The following ODR4 variants were observed in gnomAD, a reference collection of about 807,000 sequenced individuals.
The protein encoded by ODR4 is odr-4 GPCR localization factor homolog.
ODR4 carries 47 observed loss-of-function variants against 60.2 expected under a neutral mutation model. That is an observed-to-expected ratio of 0.78 (90% confidence interval 0.62 to 1.00). The LOEUF (loss-of-function observed/expected upper bound fraction) is 1.00. Among genes scored for constraint, ODR4 ranks in the 50% least tolerant of loss-of-function variants. ODR4 has a pLI of 0.00. For synonymous variants in ODR4, 178 were observed against 175.5 expected (o/e 1.01, Z -0.11); for missense variants, 488 against 530.8 (o/e 0.92, Z 0.79).
chr1:186,412,118 A>T (rs1427849221), intron 12 of ODR4, among the ~76,000 whole-genome samples: 1 of 152,160 alleles, frequency 6.6e-6, no homozygotes, highest in East Asian at 1.9e-4. Flanking sequence ...TCTACAGATA[A>T]AATATGTAGT....
chr1:186,428,112 C>T, the ODR4 span, among the ~76,000 whole-genome samples: 1 of 152,122 alleles, frequency 6.6e-6, no homozygotes, highest in Non-Finnish European at 1.5e-5. Context: ...AACAAGAGTC[C>T]GTCTGTCCTT....
intron 3 of ODR4, among the ~76,000 whole-genome samples, chr1:186,384,633 T>G (rs759280935): frequency 1.3e-4 from 19 of 151,476 alleles, no homozygotes; most frequent in Non-Finnish European, 2.5e-4. Flanking sequence ...TATAGTAAAT[T>G]AGCTTAACCT....
intron 1 of ODR4, among the ~76,000 whole-genome samples, chr1:186,378,918 T>C (rs1298501354): frequency 1.3e-5 from 2 of 152,350 alleles, no homozygotes; most frequent in African/African-American, 4.8e-5. Context: ...CTGTAGTATG[T>C]ATTGCTCAAG....
At chr1:186,417,366 TA>T in intron 12 of ODR4, 177 bp from the exon 13 acceptor site, 1 of 563,242 alleles carries the variant, frequency 1.8e-6, no homozygotes, top group Non-Finnish European at 3.1e-6. Flanking sequence ...ATTTGACGTA[TA>T]TTCTATTAAA....
the ODR4 span, among the ~76,000 whole-genome samples, chr1:186,431,212 A>G: frequency 1.3e-5 from 2 of 152,154 alleles, no homozygotes; most frequent in Admixed American, 1.3e-4. Context: ...TCAGATTTCT[A>G]TAAAATTGTC....
At chr1:186,418,100 C>T (rs1661640985) in intron 13 of ODR4, among the ~76,000 whole-genome samples, 1 of 152,120 alleles carries the variant, frequency 6.6e-6, no homozygotes, top group Non-Finnish European at 1.5e-5. Context: ...GAACAAGGAA[C>T]ATGCAGACTA....
At chr1:186,426,376 A>G (rs1258193321), downstream of ODR4, among the ~76,000 whole-genome samples, 2 of 152,206 alleles carry the variant, frequency 1.3e-5, no homozygotes, top group Non-Finnish European at 2.9e-5. Flanking sequence ...GGGGTATTCA[A>G]TTATCTAAAG....
chr1:186,402,224 T>TTCTTTCTTTCTTTC (rs1337769035), intron 11 of ODR4, among the ~76,000 whole-genome samples: 1 of 150,194 alleles, frequency 6.7e-6, no homozygotes, highest in South Asian at 2.1e-4. Flanking sequence ...CTTTCTTTCT[T>TTCTTTCTTTCTTTC]TCTTTCTTTC....
At chr1:186,385,060 A>G (rs1350623595) in intron 3 of ODR4, among the ~76,000 whole-genome samples, 2 of 152,112 alleles carry the variant, frequency 1.3e-5, no homozygotes, top group African/African-American at 2.4e-5. Flanking sequence ...GTATGTATCA[A>G]AAACCTTAAA....
intron 8 of ODR4, among the ~76,000 whole-genome samples, chr1:186,393,210 C>T (rs1197424334): frequency 6.6e-6 from 1 of 151,866 alleles, no homozygotes; most frequent in Non-Finnish European, 1.5e-5. Flanking sequence ...TGAAATAATC[C>T]GTATATCAAA....
chr1:186,399,605 T>C (rs1371108058), intron 11 of ODR4, among the ~76,000 whole-genome samples: 1 of 152,200 alleles, frequency 6.6e-6, no homozygotes, highest in African/African-American at 2.4e-5. Context: ...CCAAGTGAAC[T>C]TCTCCTGCCA....
At chr1:186,383,503 T>C (rs1660120233) in intron 3 of ODR4, among the ~76,000 whole-genome samples, 1 of 152,040 alleles carries the variant, frequency 6.6e-6, no homozygotes, top group African/African-American at 2.4e-5. Context: ...GGTCAATAGG[T>C]GCAGCAAGCC....
chr1:186,408,792 A>G (rs1167036658), intron 12 of ODR4, among the ~76,000 whole-genome samples: 2 of 151,806 alleles, frequency 1.3e-5, no homozygotes, highest in Admixed American at 1.3e-4. Context: ...GTAGCACTGT[A>G]TGCAAAACTT....
chr1:186,385,561 A>G (rs1660222637), intron 3 of ODR4, among the ~76,000 whole-genome samples: 1 of 151,932 alleles, frequency 6.6e-6, no homozygotes, highest in African/African-American at 2.4e-5. Context: ...GGCCTAGGGA[A>G]CACCCTGAGT....
rs752239468 is a variant in ODR4 at position 186,381,332 on chromosome 1, C to CT, written c.99+1462dup. Reference sequence around the variant, plus strand: ...TGTCTCATAATTTAAGGCCTTCCTTCTTTTTTTTTTTTTTGAGACGGAGTC... The same window carrying CT: ...TGTCTCATAATTTAAGGCCTTCCTTCTTTTTTTTTTTTTTTGAGACGGAGTC... On this transcript the variant is annotated intron_variant, in intron 2 of 13. Coordinates refer to ENST00000287859, the MANE Select transcript of ODR4 (RefSeq NM_017847.6). Among the ~76,000 whole-genome samples, 267 of 144,564 alleles carry CT rather than the reference C, an allele frequency of 1.8e-3. 1 individual carries two copies. Among genetic ancestry groups the CT allele is most frequent in the East Asian group, 0.014 (72 of 4,990 alleles). 94.8% of individuals were successfully genotyped at this position (144,564 alleles called of 152,430 possible).
chr1:186,390,771 T>C lies in ODR4; in HGVS notation c.535T>C (p.Leu179=). ...TGGATTATCATCCTCATGGCTTTCT[T>C]TAGAGTGTACAGTTCACATTAATAT... is the stretch of plus-strand genomic sequence containing the variant. The part of the protein sequence containing the change: ...QSGLSSSWLS[L]ECTVHINIHI... The change falls in exon 7 of 14, where the codon TTA becomes CTA. Residue 179 remains leucine (L), a synonymous_variant. Transcript: ENST00000287859. 6.2e-7 allele frequency: 1 copy of C among 1,613,160 alleles called. No homozygotes were observed. Among genetic ancestry groups the C allele is most frequent in the Non-Finnish European group, 8.5e-7 (1 of 1,179,282 alleles).
At chr1:186,400,203 G>T (rs1413484411) in intron 11 of ODR4, among the ~76,000 whole-genome samples, 1 of 150,858 alleles carries the variant, frequency 6.6e-6, no homozygotes, top group Non-Finnish European at 1.5e-5. Context: ...TGTTAGCCAG[G>T]ATGGTCTCGA....
At chr1:186,383,675 G>GTATATATATATATATATATA (rs1435664889) in intron 3 of ODR4, among the ~76,000 whole-genome samples, 1 of 114,744 alleles carries the variant, frequency 8.7e-6, no homozygotes, top group African/African-American at 3.3e-5. Context: ...TTCTGTGTAT[G>GTATATATATATATATATATA]TAGATATATA....
intron 12 of ODR4, among the ~76,000 whole-genome samples, chr1:186,408,608 G>A (rs1489157059): frequency 6.7e-6 from 1 of 149,012 alleles, no homozygotes; most frequent in East Asian, 1.9e-4. Flanking sequence ...TTATATATGT[G>A]AACATGTTTA....
Sources: gnomAD v4.1 joint callset for allele counts (sites outside exome capture counted in the v4.1 genomes callset) on GRCh38, gnomAD v4.1.1 for gene constraint, MANE v1.5 for transcripts, NCBI Gene and HGNC (gene_info 2026-07-23, HGNC 2026-07-21) for gene names.